Variants in EPB41L2 observed in about 807,000 individuals in gnomAD.
EPB41L2 encodes the protein erythrocyte membrane protein band 4.1 like 2.
A neutral mutation model predicts 113.0 loss-of-function variants in EPB41L2; 43 were observed. The ratio of observed to expected loss-of-function variants is 0.38; its 90% CI spans 0.30 to 0.49. The LOEUF is 0.49. EPB41L2 is among the 20% of genes least tolerant of loss of function. EPB41L2 has a pLI of 0.95. For missense variants in EPB41L2, 1,147 were observed against 1,223.4 expected (o/e 0.94, Z 0.93); for synonymous variants, 442 against 436.7 (o/e 1.01, Z -0.15).
chr6:130,935,317 T>C (rs1808424386), intron 3 of EPB41L2, among the ~76,000 whole-genome samples: 1 of 152,176 alleles, frequency 6.6e-6, no homozygotes, highest in African/African-American at 2.4e-5. Flanking sequence ...TTACTTGCCC[T>C]TCTTACTTGT....
chr6:131,042,098 T>C (rs1420304380), intron 1 of EPB41L2, among the ~76,000 whole-genome samples: 2 of 152,118 alleles, frequency 1.3e-5, no homozygotes, highest in Non-Finnish European at 2.9e-5. Flanking sequence ...ATGGGAGTAA[T>C]TAGTTGGAAG....
At chr6:130,882,006 T>C (rs1789477097) in intron 12 of EPB41L2, 1 of 152,230 alleles carries the variant, frequency 6.6e-6, no homozygotes, top group South Asian at 2.1e-4. Flanking sequence ...TACATCCTCA[T>C]AGATGCTAGA....
At chr6:131,006,513 C>CA (rs1412105590) in intron 1 of EPB41L2, among the ~76,000 whole-genome samples, 1 of 151,220 alleles carries the variant, frequency 6.6e-6, no homozygotes, top group African/African-American at 2.4e-5. Context: ...AACAAACAAA[C>CA]AAAAAATTTA....
intron 1 of EPB41L2, among the ~76,000 whole-genome samples, chr6:130,997,668 C>T (rs1783456462): frequency 6.6e-6 from 1 of 152,180 alleles, no homozygotes; most frequent in African/African-American, 2.4e-5. Context: ...TGCAGAATGT[C>T]TCAAAGGAGT....
At chr6:130,843,734 T>C (rs1273545015) in intron 19 of EPB41L2, among the ~76,000 whole-genome samples, 1 of 152,226 alleles carries the variant, frequency 6.6e-6, no homozygotes, top group East Asian at 1.9e-4. Flanking sequence ...TCACATTCCT[T>C]AGTCTATGTC....
At chr6:130,856,196 G>C (rs73775317) in intron 19 of EPB41L2, among the ~76,000 whole-genome samples, 3,878 of 152,142 alleles carry the variant, frequency 0.025, 164 homozygotes, top group African/African-American at 0.089. Context: ...TTATCACCTA[G>C]GGGTATGGAA....
At chr6:130,904,397 C>A in intron 6 of EPB41L2, 68 bp downstream of exon 6, 7 of 1,113,266 alleles carry the variant, frequency 6.3e-6, no homozygotes, top group Non-Finnish European at 7.8e-6. Flanking sequence ...TACCACTATG[C>A]TCCCAGGGCA....
At chr6:130,916,619 C>T (rs1274667050) in intron 4 of EPB41L2, among the ~76,000 whole-genome samples, 2 of 152,176 alleles carry the variant, frequency 1.3e-5, no homozygotes, top group African/African-American at 4.8e-5. Context: ...GACTCCCCTC[C>T]TCCCGTGGCT....
intron 19 of EPB41L2, 98 bp downstream of exon 19, chr6:130,858,033 A>G: frequency 1.1e-6 from 1 of 938,138 alleles, no homozygotes; most frequent in Non-Finnish European, 1.7e-6. Flanking sequence ...TACTATAGGA[A>G]GAAGACACTG....
chr6:130,929,031 C>G (rs1406511877), intron 3 of EPB41L2, among the ~76,000 whole-genome samples: 1 of 152,212 alleles, frequency 6.6e-6, no homozygotes, highest in East Asian at 1.9e-4. Context: ...CCTTCTCTCT[C>G]CAGGGAACAG....
In EPB41L2 at chr6:130,899,737, C is replaced by G. The variant is rs946342984; in HGVS notation, c.1149-159G>C. 8.5e-5 allele frequency among the ~76,000 whole-genome samples: 13 copies of G among 152,318 alleles called. No homozygotes were observed. The South Asian group carries it at 1.2e-3, about 15-fold the overall frequency. On this transcript the variant is annotated intron_variant, in intron 7 of 19. Transcript: ENST00000337057. ...ATGGTAAGAAAACAACTCTCAACCT[C>G]TAACATTTTTCCCTTAAGATCCTAT...
intron 4 of EPB41L2, among the ~76,000 whole-genome samples, chr6:130,924,605 C>G (rs1404779747): frequency 6.6e-6 from 1 of 152,128 alleles, no homozygotes; most frequent in African/African-American, 2.4e-5. Context: ...TGATCTCGAG[C>G]TCCTGACCTC....
chr6:130,971,990 T>C (rs1344112374), intron 1 of EPB41L2, among the ~76,000 whole-genome samples: 1 of 152,206 alleles, frequency 6.6e-6, no homozygotes, highest in Non-Finnish European at 1.5e-5. Flanking sequence ...GCTATAAAGC[T>C]GTTAAATCCT....
At chr6:131,058,281 A>G (rs1412675261) in intron 1 of EPB41L2, among the ~76,000 whole-genome samples, 2 of 152,212 alleles carry the variant, frequency 1.3e-5, no homozygotes, top group African/African-American at 2.4e-5. Context: ...AGTAAGAGAC[A>G]TCACTTTAAA....
At chr6:130,875,253 T>TCTCTGC (rs1787145857) in intron 14 of EPB41L2, among the ~76,000 whole-genome samples, 1 of 151,882 alleles carries the variant, frequency 6.6e-6, no homozygotes, top group Non-Finnish European at 1.5e-5. Context: ...ATAATCTCTG[T>TCTCTGC]TCTCATTCAC....
chr6:130,897,489 A>G (rs1164127417), intron 8 of EPB41L2, among the ~76,000 whole-genome samples: 1 of 152,208 alleles, frequency 6.6e-6, no homozygotes, highest in African/African-American at 2.4e-5. Flanking sequence ...TTACTTTTCT[A>G]AGAGACAACA....
At chr6:130,916,299 T>C (rs966320247) in intron 4 of EPB41L2, among the ~76,000 whole-genome samples, 2 of 152,234 alleles carry the variant, frequency 1.3e-5, no homozygotes, top group African/African-American at 2.4e-5. Context: ...TCTTACTCTT[T>C]ATTTGCCACA....
chr6:131,028,108 TG>T (rs1791275425), intron 1 of EPB41L2, among the ~76,000 whole-genome samples: 1 of 152,214 alleles, frequency 6.6e-6, no homozygotes, highest in African/African-American at 2.4e-5. Context: ...AGTAAAAAGA[TG>T]ATGTCAATTC....
chr6:130,938,122 G>A (rs1040491364), intron 3 of EPB41L2, among the ~76,000 whole-genome samples: 3 of 152,220 alleles, frequency 2.0e-5, no homozygotes, highest in Admixed American at 1.3e-4. Flanking sequence ...GAGATAGGAC[G>A]TGACACAAAA....
Sources: gnomAD v4.1 joint callset for allele counts (sites outside exome capture counted in the v4.1 genomes callset) on GRCh38, gnomAD v4.1.1 for gene constraint, MANE v1.5 for transcripts, NCBI Gene and HGNC (gene_info 2026-07-23, HGNC 2026-07-21) for gene names.